The following ARHGAP6 variants were observed in gnomAD, a reference collection of about 807,000 sequenced individuals.
ARHGAP6 encodes Rho GTPase activating protein 6, also known as rho GTPase-activating protein 6.
ARHGAP6 carries 16 observed loss-of-function variants against 55.7 expected under a neutral mutation model. The ratio of observed to expected loss-of-function variants is 0.29; its 90% CI spans 0.19 to 0.44. The LOEUF is 0.44. Among genes scored for constraint, ARHGAP6 ranks in the 20% least tolerant of loss-of-function variants. The probability of loss-of-function intolerance (pLI) is 1.00; values close to 1 mark genes in which losing one functional copy is unlikely to be tolerated. For synonymous variants in ARHGAP6, 382 were observed against 360.9 expected (o/e 1.06, Z -0.66); for missense variants, 698 against 808.9 (o/e 0.86, Z 1.66).
intron 1 of ARHGAP6, among the ~76,000 whole-genome samples, chrX:11,459,547 G>A (rs1313470770): frequency 3.6e-5 from 4 of 111,863 alleles, no homozygotes; most frequent in African/African-American, 6.5e-5. Flanking sequence ...TTTTTGGGGT[G>A]ATGGAAATGT....
chrX:11,178,071 C>G, intron 8 of ARHGAP6, 29 bp downstream of exon 8: 1 of 1,210,107 alleles, frequency 8.3e-7, no homozygotes, highest in South Asian at 1.8e-5. Flanking sequence ...GGAAGAGTCA[C>G]GGCATCTATG....
At chrX:11,268,387 C>T (rs1003044733) in intron 1 of ARHGAP6, among the ~76,000 whole-genome samples, 1 of 111,873 alleles carries the variant, frequency 8.9e-6, no homozygotes, top group African/African-American at 3.2e-5. Context: ...TAGAAGTTTA[C>T]TGAGCATGTA....
chrX:11,372,157 A>T (rs1394406143), intron 1 of ARHGAP6, among the ~76,000 whole-genome samples: 3 of 112,358 alleles, frequency 2.7e-5, no homozygotes, highest in African/African-American at 9.7e-5. Flanking sequence ...CTCCTTTCAA[A>T]GACCCTCAAG....
At chrX:11,461,149 C>T (rs1020032718) in intron 1 of ARHGAP6, among the ~76,000 whole-genome samples, 12 of 111,891 alleles carry the variant, frequency 1.1e-4, no homozygotes, top group Admixed American at 5.7e-4. Context: ...ACAGTCCATG[C>T]TGCAAAACCA....
chrX:11,333,566 A>C (rs1480311409), intron 1 of ARHGAP6, among the ~76,000 whole-genome samples: 1 of 112,503 alleles, frequency 8.9e-6, no homozygotes, highest in Non-Finnish European at 1.9e-5. Context: ...TCAATCCAGC[A>C]GTAGAATGGG....
intron 1 of ARHGAP6, among the ~76,000 whole-genome samples, chrX:11,454,258 C>T (rs779114913): frequency 1.8e-5 from 2 of 109,849 alleles, no homozygotes; most frequent in South Asian, 8.0e-4. Flanking sequence ...GGGCACCCAG[C>T]CAAAAGCTGT....
intron 2 of ARHGAP6, among the ~76,000 whole-genome samples, chrX:11,243,498 G>C (rs957395754): frequency 1.8e-5 from 2 of 112,297 alleles, no homozygotes; most frequent in African/African-American, 6.5e-5. Flanking sequence ...AATGAAGATT[G>C]ACTTATTAAA....
At chrX:11,541,553 T>C (rs1187237672) in intron 1 of ARHGAP6, among the ~76,000 whole-genome samples, 12 of 111,912 alleles carry the variant, frequency 1.1e-4, no homozygotes. Context: ...TATCAAATGA[T>C]CAGAAATATA....
At chrX:11,367,391 G>A (rs1204755666) in intron 1 of ARHGAP6, among the ~76,000 whole-genome samples, 2 of 111,526 alleles carry the variant, frequency 1.8e-5, no homozygotes, top group Non-Finnish European at 3.8e-5. Flanking sequence ...TGACCCTGAT[G>A]AAGCAGAACT....
chrX:11,139,539 C>T lies in ARHGAP6; in HGVS notation c.2258-9G>A. ...AATGTCTCCAGAGGAACCTGGAAGC[C>T]AGAGAGAAAGCCCAAGAAATGGAAT... is the stretch of plus-strand genomic sequence containing the variant. On this transcript the variant is annotated splice_polypyrimidine_tract_variant and intron_variant, in intron 12 of 12. Transcript: ENST00000337414. 8.8e-7 allele frequency: 1 copy of T among 1,132,421 alleles called. No individual in the cohort carries two copies. Among genetic ancestry groups the T allele is most frequent in the Non-Finnish European group, 1.2e-6 (1 of 858,781 alleles). The allele number at this position is 1,132,421 out of a possible 1,213,427, so 93.3% of individuals were successfully genotyped here.
intron 1 of ARHGAP6, among the ~76,000 whole-genome samples, chrX:11,274,284 T>A (rs2047730246): frequency 8.9e-6 from 1 of 111,960 alleles, no homozygotes; most frequent in African/African-American, 3.3e-5. Flanking sequence ...AGGTGGCAAC[T>A]GTTGACTTAA....
At chrX:11,557,261 G>A (rs1031560107) in intron 1 of ARHGAP6, among the ~76,000 whole-genome samples, 1 of 111,824 alleles carries the variant, frequency 8.9e-6, no homozygotes, top group African/African-American at 3.3e-5. Context: ...CCCTGTCAGA[G>A]ACAGTATGAC....
intron 1 of ARHGAP6, among the ~76,000 whole-genome samples, chrX:11,348,404 G>A (rs1168974206): frequency 4.5e-5 from 5 of 111,603 alleles, no homozygotes; most frequent in Admixed American, 1.9e-4. Flanking sequence ...AAACAGCAAA[G>A]AGTCCCCATC....
chrX:11,500,345 A>G (rs1603233128), intron 1 of ARHGAP6, among the ~76,000 whole-genome samples: 1 of 110,448 alleles, frequency 9.1e-6, no homozygotes, highest in Non-Finnish European at 1.9e-5. Flanking sequence ...ATTTTTCACT[A>G]AATCCCACAA....
At chrX:11,140,162 G>T (rs1441724522) in intron 12 of ARHGAP6, among the ~76,000 whole-genome samples, 1 of 107,010 alleles carries the variant, frequency 9.3e-6, no homozygotes, top group Non-Finnish European at 1.9e-5. Flanking sequence ...GTGGACAGAT[G>T]TGATGTAAGC....
intron 1 of ARHGAP6, among the ~76,000 whole-genome samples, chrX:11,426,282 A>G (rs986756246): frequency 9.0e-6 from 1 of 111,591 alleles, no homozygotes; most frequent in Non-Finnish European, 1.9e-5. Flanking sequence ...AGGTGACACC[A>G]GGAACCAACT....
intron 1 of ARHGAP6, among the ~76,000 whole-genome samples, chrX:11,290,678 A>G (rs2047979517): frequency 9.0e-6 from 1 of 111,165 alleles, no homozygotes; most frequent in African/African-American, 3.3e-5. Context: ...ACTCTTACAG[A>G]TGATAGGAAA....
chrX:11,520,449 A>G (rs896635772), intron 1 of ARHGAP6, among the ~76,000 whole-genome samples: 4 of 107,400 alleles, frequency 3.7e-5, no homozygotes, highest in African/African-American at 1.4e-4. Context: ...GCTGAGAATG[A>G]TGGTTTCCAG....
chrX:11,412,479 A>G (rs1346129394), intron 1 of ARHGAP6, among the ~76,000 whole-genome samples: 3 of 112,520 alleles, frequency 2.7e-5, no homozygotes, highest in Non-Finnish European at 3.7e-5. Flanking sequence ...TTTTAGAGCT[A>G]CAGAAACTTT....
Sources: allele counts gnomAD v4.1 joint callset (sites outside exome capture counted in the v4.1 genomes callset), GRCh38; gene constraint gnomAD v4.1.1; transcripts MANE v1.5; gene names NCBI Gene and HGNC (gene_info 2026-07-23, HGNC 2026-07-21).